The following TM4SF1 variants were observed in gnomAD, a reference collection of about 807,000 sequenced individuals.
The protein encoded by TM4SF1 is transmembrane 4 L six family member 1, also known as transmembrane 4 L6 family member 1.
Under a neutral mutation model 24.5 loss-of-function variants are expected in TM4SF1, and 20 were observed. The observed-to-expected ratio is 0.82, with a 90% CI of 0.57 to 1.19. The LOEUF is 1.19. TM4SF1 is among the 50% of genes most tolerant of loss of function. The probability of loss-of-function intolerance (pLI) is 0.00; values close to 1 mark genes in which losing one functional copy is unlikely to be tolerated. For synonymous variants in TM4SF1, 107 were observed against 95.4 expected (o/e 1.12, Z -0.71); for missense variants, 258 against 248.1 (o/e 1.04, Z -0.27).
intron 3 of TM4SF1, among the ~76,000 whole-genome samples, 158 bp from the exon 4 acceptor site, chr3:149,372,025 G>A (rs1348628978): frequency 1.3e-5 from 2 of 152,134 alleles, no homozygotes; most frequent in African/African-American, 4.8e-5. Context: ...CAAAATGGAG[G>A]AATTTAGCCC....
At chr3:149,375,359 G>C (rs1370204286) in intron 3 of TM4SF1, 84 bp downstream of exon 3, 15 of 1,525,552 alleles carry the variant, frequency 9.8e-6, no homozygotes, top group Non-Finnish European at 1.3e-5. Context: ...ATGGATAAGT[G>C]GATGCCTATC....
At chr3:149,373,764 G>A (rs1731886701) in intron 3 of TM4SF1, among the ~76,000 whole-genome samples, 1 of 152,228 alleles carries the variant, frequency 6.6e-6, no homozygotes, top group Non-Finnish European at 1.5e-5. Context: ...TGACATAGAA[G>A]AGGAGGAAGG....
chr3:149,370,943 A>G (rs1230956685), intron 4 of TM4SF1: 1 of 152,202 alleles, frequency 6.6e-6, no homozygotes, highest in Non-Finnish European at 1.5e-5. Context: ...TAATATATAT[A>G]TTTTAGGAGG....
intron 1 of TM4SF1, among the ~76,000 whole-genome samples, chr3:149,376,436 A>C (rs1385560235): frequency 1.3e-5 from 2 of 152,198 alleles, no homozygotes; most frequent in Admixed American, 1.3e-4. Context: ...TGGGAGGCCA[A>C]GGTAGGAGGG....
At chr3:149,375,325 AAC>A (rs1340625135) in intron 3 of TM4SF1, 116 bp downstream of exon 3, 9 of 1,323,536 alleles carry the variant, frequency 6.8e-6, no homozygotes, top group Non-Finnish European at 9.4e-6. Context: ...AGTGAGAATA[AAC>A]ACTGGCTAGG....
At chr3:149,372,546 A>G (rs1210315820) in intron 3 of TM4SF1, among the ~76,000 whole-genome samples, 1 of 152,194 alleles carries the variant, frequency 6.6e-6, no homozygotes, top group African/African-American at 2.4e-5. Context: ...TTTGGAACAA[A>G]GCTATTTTTT....
At chr3:149,375,656 C>T (rs1731932672) in intron 2 of TM4SF1, 24 bp downstream of exon 2, 1 of 1,614,208 alleles carries the variant, frequency 6.2e-7, no homozygotes, top group Admixed American at 1.7e-5. Flanking sequence ...GAGTCATTTT[C>T]ACCACCAGGG....
At chr3:149,371,987 T>A in intron 3 of TM4SF1, 120 bp from the exon 4 acceptor site, 1 of 962,010 alleles carries the variant, frequency 1.0e-6, no homozygotes, top group Non-Finnish European at 1.5e-6. Context: ...ATATCCTGTG[T>A]AAGTTTCTTC....
In TM4SF1 at chr3:149,371,806, T is replaced by G. The variant is rs751439886; in HGVS notation, c.475A>C (p.Asn159His). ...CTEPKHIVEW[N>H]VSLFSILLAL... ...AAGAGGATAGAAAACAGAGATACATTCCATTCCACAATGTGCTTGGGTTCA... is the reference window on the plus strand; with the variant it reads ...AAGAGGATAGAAAACAGAGATACATGCCATTCCACAATGTGCTTGGGTTCA... The change falls in exon 4 of 5, where the codon AAT (asparagine) becomes CAT (histidine). Residue 159 changes from asparagine to histidine, a missense_variant. Physicochemically the swap from Asn to His is moderately conservative, Grantham distance 68. Coordinates refer to ENST00000305366, the MANE Select transcript of TM4SF1 (RefSeq NM_014220.3). The G allele has an allele frequency of 1.2e-6, 2 of 1,614,008 alleles. No individual in the cohort carries two copies. The highest frequency in any genetic ancestry group is 1.3e-5 in the African/African-American group (1 of 74,988).
Position 149,375,757 on chromosome 3 carries a change from C to CT in TM4SF1, c.189dup (p.Ala64SerfsTer11), listed in dbSNP as rs1463477264. ...TGTTCCAGCCCAATGAAGACAAATG[C>CT]TGGCAGGAGCATCTGGTTAGGAAAC... On this transcript the variant is annotated frameshift_variant, in exon 2 of 5. Transcript: ENST00000305366. LOFTEE classifies it high-confidence loss of function. 4 of 1,614,222 alleles carry CT rather than the reference C, an allele frequency of 2.5e-6. No individual in the cohort carries two copies. The Admixed American group carries it at 6.7e-5, about 27-fold the overall frequency.
intron 3 of TM4SF1, among the ~76,000 whole-genome samples, chr3:149,374,555 T>C (rs1206357173): frequency 6.6e-6 from 1 of 152,156 alleles, no homozygotes; most frequent in Non-Finnish European, 1.5e-5. Flanking sequence ...TTTCTGTTCT[T>C]TTCTGGATAA....
intron 1 of TM4SF1, 89 bp from the exon 2 acceptor site, chr3:149,375,858 T>G: frequency 8.3e-7 from 1 of 1,205,296 alleles, no homozygotes; most frequent in Non-Finnish European, 1.2e-6. Context: ...TATATTTATT[T>G]CCAATGACAT....
At chr3:149,375,212 A>T (rs569183149) in intron 3 of TM4SF1, among the ~76,000 whole-genome samples, 1 of 150,434 alleles carries the variant, frequency 6.6e-6, no homozygotes, top group South Asian at 2.1e-4. Context: ...CTCTGGGGGA[A>T]AAAAAAAGAA....
At chr3:149,372,496 G>T (rs757695407) in intron 3 of TM4SF1, among the ~76,000 whole-genome samples, 1 of 152,018 alleles carries the variant, frequency 6.6e-6, no homozygotes, top group Non-Finnish European at 1.5e-5. Context: ...ATTCTGGCAA[G>T]TTTGGATATT....
chr3:149,376,958 G>T (rs1312497327), intron 1 of TM4SF1, among the ~76,000 whole-genome samples: 1 of 152,166 alleles, frequency 6.6e-6, no homozygotes, highest in Non-Finnish European at 1.5e-5. Flanking sequence ...TATCACAGAT[G>T]GCTGAAAATA....
chr3:149,371,374 C>T (rs1731816111), intron 4 of TM4SF1: 2 of 541,988 alleles, frequency 3.7e-6, no homozygotes, highest in Non-Finnish European at 6.5e-6. Flanking sequence ...GCAGACATCA[C>T]TTTTTTTTCT....
At chr3:149,371,997 C>T in intron 3 of TM4SF1, 130 bp from the exon 4 acceptor site, 1 of 804,582 alleles carries the variant, frequency 1.2e-6, no homozygotes, top group Non-Finnish European at 2.0e-6. Flanking sequence ...TAAGTTTCTT[C>T]CACTGCATGT....
intron 3 of TM4SF1, among the ~76,000 whole-genome samples, chr3:149,375,130 A>C (rs890325888): frequency 6.6e-6 from 1 of 152,192 alleles, no homozygotes; most frequent in Non-Finnish European, 1.5e-5. Flanking sequence ...GCTTGAGCTC[A>C]GGAGTTAGAG....
In TM4SF1 at chr3:149,369,840, T is replaced by A; in HGVS notation, c.*26A>T. 3.7e-6 allele frequency: 6 copies of A among 1,607,802 alleles called. No individual in the cohort carries two copies. The highest frequency in any genetic ancestry group is 4.2e-6 in the Non-Finnish European group (5 of 1,178,082). ...AAATTACAATGAAATAGAGGAAGATTGTGGCTCTGTCCTGGGTTGGTTCTT... is the reference window on the plus strand; with the variant it reads ...AAATTACAATGAAATAGAGGAAGATAGTGGCTCTGTCCTGGGTTGGTTCTT... On this transcript the variant is annotated 3_prime_UTR_variant, in exon 5 of 5. Coordinates refer to ENST00000305366, the MANE Select transcript of TM4SF1 (RefSeq NM_014220.3).
Sources: allele counts gnomAD v4.1 joint callset (sites outside exome capture counted in the v4.1 genomes callset), GRCh38; gene constraint gnomAD v4.1.1; transcripts MANE v1.5; gene names NCBI Gene and HGNC (gene_info 2026-07-23, HGNC 2026-07-21).